Variants in CACHD1 observed in about 807,000 individuals in gnomAD.
CACHD1 encodes the protein cache domain containing 1, also known as VWFA and cache domain-containing protein 1.
A neutral mutation model predicts 138.7 loss-of-function variants in CACHD1; 71 were observed. The ratio of observed to expected loss-of-function variants is 0.51; its 90% CI spans 0.42 to 0.62. The LOEUF (loss-of-function observed/expected upper bound fraction) is 0.62. Ranked by LOEUF, CACHD1 falls within the 20% of genes least tolerant of loss-of-function variation. The pLI, the probability that CACHD1 is intolerant of heterozygous loss-of-function variation, is 0.00. For synonymous variants in CACHD1, 578 were observed against 591.5 expected, an observed-to-expected ratio of 0.98 and a Z score of 0.33; for missense variants, 1,389 against 1,625.3, an observed-to-expected ratio of 0.85 and a Z score of 2.50.
chr1:64,518,460 A>G (rs1366146862), intron 1 of CACHD1, among the ~76,000 whole-genome samples: 3 of 152,186 alleles, frequency 2.0e-5, no homozygotes, highest in Non-Finnish European at 2.9e-5. Context: ...TTTATGTCCT[A>G]TTATTCTCAA....
chr1:64,687,329 A>G (rs1176615962), intron 26 of CACHD1, among the ~76,000 whole-genome samples: 1 of 152,196 alleles, frequency 6.6e-6, no homozygotes, highest in African/African-American at 2.4e-5. Flanking sequence ...GCTTTTCCAC[A>G]ACTTGCTATT....
At position 64,536,560 on chromosome 1, in the gene CACHD1, G is replaced by A. The variant is rs576062279; in HGVS notation, c.199-14034G>A. ...ATTTTGAAAATTACATGACGAATTA[G>A]CATGGTAAAAAATTTAATAGTGGGA... On this transcript the variant is annotated intron_variant, in intron 1 of 26. Coordinates refer to ENST00000651257, the MANE Select transcript of CACHD1 (RefSeq NM_020925.4). 9.2e-5 allele frequency among the ~76,000 whole-genome samples: 14 copies of A among 152,276 alleles called. No individual in the cohort carries two copies. In the South Asian group the frequency reaches 2.9e-3, roughly 32 times the overall value.
intron 13 of CACHD1, among the ~76,000 whole-genome samples, chr1:64,661,717 A>G (rs556755581): frequency 1.3e-5 from 2 of 152,268 alleles, no homozygotes; most frequent in South Asian, 4.1e-4. Flanking sequence ...AATCCACAGC[A>G]TGCTGCTAGG....
chr1:64,598,645 A>G (rs1400904593), intron 3 of CACHD1, among the ~76,000 whole-genome samples: 1 of 152,164 alleles, frequency 6.6e-6, no homozygotes, highest in African/African-American at 2.4e-5. Context: ...TGAGAATTCA[A>G]GAGCTACATG....
intron 3 of CACHD1, among the ~76,000 whole-genome samples, chr1:64,593,132 G>T (rs1647121224): frequency 6.6e-6 from 1 of 152,174 alleles, no homozygotes; most frequent in South Asian, 2.1e-4. Flanking sequence ...ATTCTTGGGA[G>T]ATGTTTGCTA....
chr1:64,571,690 GC>G (rs1387899125), intron 2 of CACHD1, among the ~76,000 whole-genome samples: 2 of 152,152 alleles, frequency 1.3e-5, no homozygotes, highest in African/African-American at 4.8e-5. Flanking sequence ...TCTCAAAGAA[GC>G]CCTTGAAGAA....
chr1:64,515,839 A>C (rs1249288339), intron 1 of CACHD1, among the ~76,000 whole-genome samples: 3 of 152,200 alleles, frequency 2.0e-5, no homozygotes, highest in African/African-American at 7.2e-5. Context: ...TCATGGTTTC[A>C]ACTCTTGGTA....
At chr1:64,688,319 G>A (rs987382676) in intron 26 of CACHD1, among the ~76,000 whole-genome samples, 1 of 152,088 alleles carries the variant, frequency 6.6e-6, no homozygotes, top group Non-Finnish European at 1.5e-5. Flanking sequence ...AGCAGTTTGT[G>A]ACTTAGATTC....
At chr1:64,565,188 G>A (rs1405506464) in intron 2 of CACHD1, among the ~76,000 whole-genome samples, 3 of 151,662 alleles carry the variant, frequency 2.0e-5, no homozygotes, top group South Asian at 2.1e-4. Context: ...GATGAATTCC[G>A]TTCTTTCTTT....
intron 10 of CACHD1, among the ~76,000 whole-genome samples, chr1:64,653,223 T>C (rs1213749187): frequency 6.6e-6 from 1 of 152,006 alleles, no homozygotes; most frequent in East Asian, 1.9e-4. Flanking sequence ...ATACTGAGGC[T>C]ACCTAAGGGT....
intron 1 of CACHD1, among the ~76,000 whole-genome samples, chr1:64,544,522 C>G (rs1646703123): frequency 6.6e-6 from 1 of 151,742 alleles, no homozygotes; most frequent in African/African-American, 2.4e-5. Flanking sequence ...GAGGGTGGGT[C>G]AGTGGATGGA....
chr1:64,599,451 T>G lies in CACHD1; in HGVS notation c.411-3355T>G, dbSNP rs575848920. On this transcript the variant is annotated intron_variant, in intron 3 of 26. Coordinates refer to ENST00000651257, the MANE Select transcript of CACHD1 (RefSeq NM_020925.4). Reference sequence around the variant, plus strand: ...AAGAGGAAGAAGAGTTGAGCTGGGCTTTGAAGAAAGGGTGGAGTGGACACT... The same window carrying G: ...AAGAGGAAGAAGAGTTGAGCTGGGCGTTGAAGAAAGGGTGGAGTGGACACT... Among the ~76,000 whole-genome samples, 352 of 152,096 alleles carry G rather than the reference T, an allele frequency of 2.3e-3. 4 individuals are homozygous for G. The highest frequency in any genetic ancestry group is 8.2e-3 in the African/African-American group (341 of 41,496).
At chr1:64,497,079 G>A (rs149064846) in intron 1 of CACHD1, among the ~76,000 whole-genome samples, 216 of 152,054 alleles carry the variant, frequency 1.4e-3, no homozygotes, top group African/African-American at 4.9e-3. Context: ...AAAAAATGCC[G>A]AGGAATTAGC....
chr1:64,678,500 C>T (rs1650068603), intron 23 of CACHD1, among the ~76,000 whole-genome samples, 190 bp downstream of exon 23: 1 of 152,132 alleles, frequency 6.6e-6, no homozygotes, highest in African/African-American at 2.4e-5. Context: ...GAGTGAGTGG[C>T]CATCTGTGCT....
intron 2 of CACHD1, among the ~76,000 whole-genome samples, chr1:64,561,891 T>G (rs1646842951): frequency 6.7e-6 from 1 of 148,986 alleles, no homozygotes; most frequent in Non-Finnish European, 1.5e-5. Context: ...TATTTTGCCT[T>G]TTTTCTTAAA....
chr1:64,550,966 G>C (rs950144530), intron 2 of CACHD1, among the ~76,000 whole-genome samples: 1 of 152,152 alleles, frequency 6.6e-6, no homozygotes, highest in East Asian at 1.9e-4. Context: ...TAGAAAATAA[G>C]TGTCCAGGCT....
At chr1:64,497,584 G>C (rs1034983338) in intron 1 of CACHD1, among the ~76,000 whole-genome samples, 1 of 152,128 alleles carries the variant, frequency 6.6e-6, no homozygotes, top group African/African-American at 2.4e-5. Flanking sequence ...ACCCCAGAGA[G>C]AGCCAGGAAT....
At chr1:64,641,692 G>A (rs941685391) in intron 7 of CACHD1, 128 bp from the exon 8 acceptor site, 4 of 597,602 alleles carry the variant, frequency 6.7e-6, no homozygotes, top group East Asian at 6.3e-5. Context: ...CATCAAACAG[G>A]AGGGACTAGG....
chr1:64,613,552 T>G (rs950250644), intron 4 of CACHD1: 1 of 152,182 alleles, frequency 6.6e-6, no homozygotes, highest in Admixed American at 6.5e-5. Flanking sequence ...AGGCTCTCAT[T>G]GCTCCCTGGA....
Sources: gnomAD v4.1 joint callset for allele counts (sites outside exome capture counted in the v4.1 genomes callset) on GRCh38, gnomAD v4.1.1 for gene constraint, MANE v1.5 for transcripts, NCBI Gene and HGNC (gene_info 2026-07-23, HGNC 2026-07-21) for gene names.